The following NUP35 variants were observed in gnomAD, a reference collection of about 807,000 sequenced individuals.
NUP35 encodes the protein nucleoporin 35, also known as nucleoporin NUP35.
Under a neutral mutation model 41.5 loss-of-function variants are expected in NUP35, and 25 were observed. The observed-to-expected ratio is 0.60, with a 90% CI of 0.44 to 0.84. The LOEUF (loss-of-function observed/expected upper bound fraction) is 0.84, where lower values mean the gene tolerates loss of function less well. Ranked by LOEUF, NUP35 falls within the 40% of genes least tolerant of loss-of-function variation. The pLI is 0.00. For synonymous variants in NUP35, 149 were observed against 130.7 expected, an observed-to-expected ratio of 1.14 and a Z score of -0.96; for missense variants, 396 against 396.6, an observed-to-expected ratio of 1.00 and a Z score of 0.01.
intron 4 of NUP35, among the ~76,000 whole-genome samples, chr2:183,137,789 GAAA>G (rs35751374): frequency 7.2e-6 from 1 of 139,764 alleles, no homozygotes; most frequent in Non-Finnish European, 1.6e-5. Context: ...AGACCTCAAA[GAAA>G]AAAAAAAAGG....
chr2:183,118,129 A>G (rs1284119559), intron 1 of NUP35, among the ~76,000 whole-genome samples: 1 of 152,188 alleles, frequency 6.6e-6, no homozygotes, highest in African/African-American at 2.4e-5. Context: ...TTTGATAATC[A>G]ATGGTCTACA....
upstream of NUP35, among the ~76,000 whole-genome samples, chr2:183,120,594 G>C (rs367565662): frequency 2.6e-5 from 4 of 152,134 alleles, no homozygotes; most frequent in East Asian, 5.8e-4. Flanking sequence ...GGTAGAGAAG[G>C]TGAATGTCAG....
chr2:183,132,773 C>G (rs184201379), intron 3 of NUP35, among the ~76,000 whole-genome samples: 92 of 152,192 alleles, frequency 6.0e-4, no homozygotes, highest in African/African-American at 2.1e-3. Flanking sequence ...TAGATTAGAG[C>G]CCAAATTAGT....
At chr2:183,144,424 A>G (rs2105585354) in intron 4 of NUP35, among the ~76,000 whole-genome samples, 1 of 152,190 alleles carries the variant, frequency 6.6e-6, no homozygotes, top group East Asian at 1.9e-4. Flanking sequence ...TTGTTTCATG[A>G]TAAGAAGTTA....
rs112043874 is a variant in NUP35 at position 183,148,379 on chromosome 2, C to T, written c.398-3129C>T. ...CTATTTTTAGTTCTTTGAGAAATCT[C>T]CATATGGCTTTCTATAGAGGTTGTA... On this transcript the variant is annotated intron_variant, in intron 4 of 8. Transcript: ENST00000295119. Among the ~76,000 whole-genome samples the T allele has an allele frequency of 2.0e-5, 3 of 152,274 alleles. 1 individual carries two copies. The highest frequency in any genetic ancestry group is 4.8e-5 in the African/African-American group (2 of 41,572).
upstream of NUP35, chr2:183,124,395 C>T: frequency 3.1e-6 from 5 of 1,613,708 alleles, no homozygotes; most frequent in Non-Finnish European, 4.2e-6. Context: ...CCGTGGGGAG[C>T]GTTTCCGCCA....
At chr2:183,131,117 G>A (rs1274972669) in intron 3 of NUP35, 2 of 299,232 alleles carry the variant, frequency 6.7e-6, no homozygotes, top group Non-Finnish European at 1.5e-5. Flanking sequence ...TTGGGATATA[G>A]GCACGTGCTG....
chr2:183,132,667 T>G (rs1036983557), intron 3 of NUP35, among the ~76,000 whole-genome samples: 3 of 152,230 alleles, frequency 2.0e-5, no homozygotes, highest in Admixed American at 6.5e-5. Context: ...AGACAAAGGC[T>G]TACAGATATT....
intron 4 of NUP35, among the ~76,000 whole-genome samples, chr2:183,144,514 G>A (rs1166631992): frequency 6.6e-6 from 1 of 151,998 alleles, no homozygotes; most frequent in Non-Finnish European, 1.5e-5. Context: ...AATCTCTTTT[G>A]TTTTCATTTA....
chr2:183,157,854 G>A (rs1163514449), intron 6 of NUP35, among the ~76,000 whole-genome samples: 1 of 152,058 alleles, frequency 6.6e-6, no homozygotes, highest in Non-Finnish European at 1.5e-5. Flanking sequence ...GAAGTAGGAG[G>A]CAGTTCCTGA....
intron 4 of NUP35, among the ~76,000 whole-genome samples, chr2:183,136,752 T>C (rs1684887376): frequency 6.6e-6 from 1 of 152,188 alleles, no homozygotes; most frequent in Admixed American, 6.5e-5. Flanking sequence ...CCTGGATTGG[T>C]TGATTGGATT....
At chr2:183,150,383 C>G (rs189166585) in intron 4 of NUP35, among the ~76,000 whole-genome samples, 198 of 152,334 alleles carry the variant, frequency 1.3e-3, no homozygotes, top group African/African-American at 4.4e-3. Flanking sequence ...TCTCATCTCA[C>G]ATCCCCCTCA....
chr2:183,157,622 T>C, intron 6 of NUP35, 109 bp downstream of exon 6: 2 of 757,206 alleles, frequency 2.6e-6, no homozygotes, highest in South Asian at 3.3e-5. Flanking sequence ...TTAAATTTTT[T>C]TTTGAGTTTT....
rs1471652134 is a variant in NUP35 at position 183,158,267 on chromosome 2, GT to G, written c.610-12del. 1 of 1,516,264 alleles carries G rather than the reference GT, an allele frequency of 6.6e-7. No individual in the cohort carries two copies. Among genetic ancestry groups the G allele is most frequent in the Admixed American group, 2.0e-5 (1 of 49,770 alleles). The allele number at this position is 1,516,264 out of a possible 1,614,324, so 93.9% of individuals were successfully genotyped here. On this transcript the variant is annotated splice_polypyrimidine_tract_variant and intron_variant, in intron 6 of 8. Transcript: ENST00000295119. The stretch of plus-strand genomic sequence containing the variant: ...TATATATTTTCTATTTTAAGAGACA[GT>G]TTTATTCTTTGCAGATGTCTAATAC...
chr2:183,130,904 A>G, intron 3 of NUP35: 1 of 1,011,634 alleles, frequency 9.9e-7, no homozygotes, highest in Middle Eastern at 3.6e-4. Flanking sequence ...TATGTGAAAG[A>G]ACAAATGAAA....
rs773254221 is a variant in NUP35, at chr2:183,161,514, T to C, written c.*383T>C. 17 of 155,184 alleles carry C rather than the reference T, an allele frequency of 1.1e-4. No individual in the cohort carries two copies. Among genetic ancestry groups the C allele is most frequent in the South Asian group, 6.2e-4 (3 of 4,872 alleles). 9.6% of individuals were successfully genotyped at this position (155,184 alleles called of 1,614,324 possible). A position where few individuals can be genotyped will look rare whatever the true frequency, so the allele number is the denominator to read the frequency against. On this transcript the variant is annotated 3_prime_UTR_variant, in exon 9 of 9. Transcript: ENST00000295119. ...ATAGTTATTTCTACCGACACAAATA[T>C]TATAATTAGCAATTTGAATTATGGT...
At chr2:183,137,044 C>T (rs1050047323) in intron 4 of NUP35, among the ~76,000 whole-genome samples, 14 of 151,902 alleles carry the variant, frequency 9.2e-5, no homozygotes, top group African/African-American at 2.7e-4. Context: ...GAGCTGAGAT[C>T]GAGCCACTGC....
At chr2:183,159,872 C>A (rs1193526611) in intron 8 of NUP35, 4 of 453,384 alleles carry the variant, frequency 8.8e-6, no homozygotes, top group Non-Finnish European at 1.5e-5. Context: ...TTTGCCATTC[C>A]TTTAAATTTT....
At chr2:183,127,479 CTT>C (rs1023555552) in intron 1 of NUP35, among the ~76,000 whole-genome samples, 15 of 152,192 alleles carry the variant, frequency 9.9e-5, no homozygotes, top group African/African-American at 3.4e-4. Flanking sequence ...GTTTTCGACT[CTT>C]TTCAACATGT....
Sources: allele counts gnomAD v4.1 joint callset (sites outside exome capture counted in the v4.1 genomes callset), GRCh38; gene constraint gnomAD v4.1.1; transcripts MANE v1.5; gene names NCBI Gene and HGNC (gene_info 2026-07-23, HGNC 2026-07-21).